Variants in RBMS3 observed in about 807,000 individuals in gnomAD.
The protein encoded by RBMS3 is RNA-binding motif, single-stranded-interacting protein 3.
RBMS3 carries 27 observed loss-of-function variants against 66.8 expected under a neutral mutation model. The ratio of observed to expected loss-of-function variants is 0.40; its 90% confidence interval spans 0.30 to 0.56. The LOEUF is 0.56. RBMS3 is among the 20% of genes least tolerant of loss of function. RBMS3 has a pLI of 0.40. For missense variants in RBMS3, 513 were observed against 549.5 expected (o/e 0.93, Z 0.66); for synonymous variants, 188 against 183.0 (o/e 1.03, Z -0.22).
intron 1 of RBMS3, among the ~76,000 whole-genome samples, chr3:29,380,628 C>T (rs2125622736): frequency 6.6e-6 from 1 of 152,246 alleles, no homozygotes. Context: ...TGCCATGTCA[C>T]ACACATTTGT....
chr3:29,902,768 C>T (rs1025465137), intron 10 of RBMS3, among the ~76,000 whole-genome samples: 9 of 151,894 alleles, frequency 5.9e-5, no homozygotes, highest in African/African-American at 9.7e-5. Flanking sequence ...TATCACCAAG[C>T]GTGTACACTG....
intron 2 of RBMS3, among the ~76,000 whole-genome samples, chr3:29,465,318 A>G (rs964582016): frequency 1.3e-5 from 2 of 152,212 alleles, no homozygotes; most frequent in South Asian, 2.1e-4. Flanking sequence ...ATGCTTGAGC[A>G]TTAGTAGTTA....
intron 1 of RBMS3, among the ~76,000 whole-genome samples, chr3:29,329,509 A>C (rs1181224359): frequency 6.6e-6 from 1 of 152,142 alleles, no homozygotes; most frequent in Non-Finnish European, 1.5e-5. Flanking sequence ...AAACCAAAAG[A>C]AATAATCCAT....
intron 6 of RBMS3, among the ~76,000 whole-genome samples, chr3:29,845,344 C>T (rs1328973329): frequency 6.6e-6 from 1 of 152,156 alleles, no homozygotes; most frequent in Non-Finnish European, 1.5e-5. Flanking sequence ...TAGGTCTCCC[C>T]TCATAAGACT....
intron 4 of RBMS3, among the ~76,000 whole-genome samples, chr3:29,738,362 A>T (rs1203934392): frequency 1.3e-5 from 2 of 152,206 alleles, no homozygotes; most frequent in Admixed American, 6.5e-5. Flanking sequence ...AAAATATAAT[A>T]GTTCAATTAA....
chr3:29,623,033 CG>C (rs1445527254), intron 4 of RBMS3, among the ~76,000 whole-genome samples: 1 of 149,710 alleles, frequency 6.7e-6, no homozygotes, highest in African/African-American at 2.5e-5. Flanking sequence ...AGGAGAATGG[CG>C]TGAACTGGCA....
chr3:29,364,286 A>G (rs2037776022), intron 1 of RBMS3, among the ~76,000 whole-genome samples: 1 of 152,234 alleles, frequency 6.6e-6, no homozygotes, highest in East Asian at 1.9e-4. Flanking sequence ...AATTGCATAA[A>G]AACATTAGCA....
chr3:29,863,487 CTTAAAA>C (rs1463461252), intron 6 of RBMS3, among the ~76,000 whole-genome samples: 6 of 151,980 alleles, frequency 3.9e-5, no homozygotes, highest in Non-Finnish European at 7.4e-5. Context: ...ATATAATCAT[CTTAAAA>C]TTAATAGAAT....
At chr3:29,667,414 A>C (rs2050813288) in intron 4 of RBMS3, among the ~76,000 whole-genome samples, 1 of 152,160 alleles carries the variant, frequency 6.6e-6, no homozygotes, top group African/African-American at 2.4e-5. Context: ...AAATTCTTGA[A>C]CCCTACCCCA....
At chr3:29,538,762 G>A (rs1257528518) in intron 3 of RBMS3, among the ~76,000 whole-genome samples, 1 of 152,182 alleles carries the variant, frequency 6.6e-6, no homozygotes, top group Non-Finnish European at 1.5e-5. Flanking sequence ...GGCACATGTT[G>A]TCCTGCAGGC....
At chr3:29,281,870 C>T (rs1373087206) in intron 1 of RBMS3, 114 bp downstream of exon 1, 7 of 847,428 alleles carry the variant, frequency 8.3e-6, no homozygotes, top group Non-Finnish European at 1.3e-5. Context: ...CTTCTTCCTG[C>T]TTCTTTGAAA....
intron 4 of RBMS3, among the ~76,000 whole-genome samples, chr3:29,629,178 T>C (rs1367239001): frequency 3.3e-5 from 5 of 152,164 alleles, no homozygotes; most frequent in Non-Finnish European, 7.4e-5. Context: ...ATTTACATCC[T>C]AATGATGGGA....
At chr3:29,560,375 A>C (rs1460037033) in intron 3 of RBMS3, among the ~76,000 whole-genome samples, 1 of 152,336 alleles carries the variant, frequency 6.6e-6, no homozygotes, top group African/African-American at 2.4e-5. Context: ...CAGGAGTTAC[A>C]TACAAATATT....
intron 3 of RBMS3, among the ~76,000 whole-genome samples, chr3:29,507,533 A>G (rs2044230179): frequency 6.6e-6 from 1 of 152,116 alleles, no homozygotes; most frequent in Non-Finnish European, 1.5e-5. Flanking sequence ...CTCTGCTAAT[A>G]ACTAGGTCAA....
intron 4 of RBMS3, among the ~76,000 whole-genome samples, chr3:29,714,604 G>T (rs2053312410): frequency 6.6e-6 from 1 of 152,196 alleles, no homozygotes. Context: ...ATATACATGA[G>T]AATGAATATT....
intron 1 of RBMS3, among the ~76,000 whole-genome samples, chr3:29,398,897 G>A (rs550749113): frequency 6.6e-6 from 1 of 152,270 alleles, no homozygotes; most frequent in East Asian, 1.9e-4. Flanking sequence ...AGGACGATTG[G>A]TTTTGTTTTT....
chr3:29,963,526 A>T (rs1293130939), intron 12 of RBMS3, among the ~76,000 whole-genome samples: 1 of 152,228 alleles, frequency 6.6e-6, no homozygotes, highest in Non-Finnish European at 1.5e-5. Flanking sequence ...TAAGAGAATC[A>T]CAATGAACAT....
At chr3:29,606,252 T>A (rs1414555566) in intron 4 of RBMS3, among the ~76,000 whole-genome samples, 16 of 151,922 alleles carry the variant, frequency 1.1e-4, no homozygotes, top group Non-Finnish European at 1.0e-4. Flanking sequence ...GTCATATGAT[T>A]GATGTTTAAA....
intron 1 of RBMS3, among the ~76,000 whole-genome samples, chr3:29,400,298 G>A (rs2039749345): frequency 6.6e-6 from 1 of 152,034 alleles, no homozygotes; most frequent in Admixed American, 6.6e-5. Context: ...AGGACGTTAT[G>A]CTAAGTGAAA....
Sources: gnomAD v4.1 joint callset for allele counts (sites outside exome capture counted in the v4.1 genomes callset) on GRCh38, gnomAD v4.1.1 for gene constraint, MANE v1.5 for transcripts, NCBI Gene and HGNC (gene_info 2026-07-23, HGNC 2026-07-21) for gene names.